GPHN: variants seen among roughly 807,000 people sequenced by gnomAD.
The protein encoded by GPHN is gephyrin.
In GPHN, 17 loss-of-function variants were observed where a neutral mutation model predicts 95.5. The ratio of observed to expected loss-of-function variants is 0.18; its 90% CI spans 0.12 to 0.27. The LOEUF (loss-of-function observed/expected upper bound fraction) is 0.27, where lower values mean the gene tolerates loss of function less well. Among genes scored for constraint, GPHN ranks in the 10% least tolerant of loss-of-function variants. The pLI, the probability that GPHN is intolerant of heterozygous loss-of-function variation, is 1.00. For synonymous variants in GPHN, 320 were observed against 322.5 expected, an observed-to-expected ratio of 0.99 and a Z score of 0.08; for missense variants, 660 against 978.1, an observed-to-expected ratio of 0.67 and a Z score of 4.34.
the GPHN span, chr14:67,729,431 C>A: frequency 1.9e-6 from 3 of 1,547,824 alleles, no homozygotes; most frequent in East Asian, 6.7e-5. Context: ...ATGGGAGGTG[C>A]CGGACTCGCT....
intron 4 of GPHN, among the ~76,000 whole-genome samples, chr14:66,850,958 A>G (rs2153515573): frequency 6.6e-6 from 1 of 152,246 alleles, no homozygotes; most frequent in African/African-American, 2.4e-5. Flanking sequence ...TTATGTTAAT[A>G]TAATCACATT....
the GPHN span, among the ~76,000 whole-genome samples, chr14:67,495,252 C>T: frequency 6.6e-6 from 1 of 152,092 alleles, no homozygotes. Flanking sequence ...GGAAACATTT[C>T]CTCTTCCAAT....
the GPHN span, chr14:67,343,332 T>C: frequency 9.2e-5 from 138 of 1,500,618 alleles, no homozygotes; most frequent in Non-Finnish European, 1.2e-4. Context: ...GTGGAGGGTA[T>C]GGACAAGTGA....
At chr14:66,907,486 T>C (rs368807540) in intron 5 of GPHN, among the ~76,000 whole-genome samples, 1 of 152,174 alleles carries the variant, frequency 6.6e-6, no homozygotes, top group East Asian at 1.9e-4. Context: ...CTATTTGATA[T>C]GAAGTAGAAA....
chr14:66,889,871 A>T (rs1567064682), intron 5 of GPHN, among the ~76,000 whole-genome samples: 1 of 151,948 alleles, frequency 6.6e-6, no homozygotes, highest in Non-Finnish European at 1.5e-5. Flanking sequence ...AATTTTAGCT[A>T]GATAGACTAA....
intron 2 of GPHN, among the ~76,000 whole-genome samples, chr14:66,739,247 C>T (rs558606992): frequency 1.1e-4 from 15 of 140,200 alleles, no homozygotes; most frequent in East Asian, 8.5e-4. Context: ...GACAGAGTCT[C>T]GCTCTGTCAC....
chr14:67,520,748 T>C, the GPHN span, among the ~76,000 whole-genome samples: 1 of 152,250 alleles, frequency 6.6e-6, no homozygotes, highest in Non-Finnish European at 1.5e-5. Context: ...TTGCAAGTTA[T>C]GGCAATTAAG....
At chr14:66,527,145 C>T (rs1440159714) in intron 1 of GPHN, among the ~76,000 whole-genome samples, 1 of 152,106 alleles carries the variant, frequency 6.6e-6, no homozygotes, top group African/African-American at 2.4e-5. Flanking sequence ...GCCTCAATTT[C>T]AGAACTTGTT....
intron 1 of GPHN, among the ~76,000 whole-genome samples, chr14:66,657,459 CCTT>C (rs1282211875): frequency 6.6e-6 from 1 of 152,176 alleles, no homozygotes; most frequent in Admixed American, 6.5e-5. Flanking sequence ...GATGAAATAG[CCTT>C]CTGCTGTAAG....
At chr14:67,445,732 G>A in the GPHN span, among the ~76,000 whole-genome samples, 2 of 151,624 alleles carry the variant, frequency 1.3e-5, no homozygotes, top group East Asian at 3.9e-4. Flanking sequence ...CTACAGATGA[G>A]TGCCACTACA....
At chr14:66,568,085 T>TA (rs1333407207) in intron 1 of GPHN, among the ~76,000 whole-genome samples, 1 of 152,178 alleles carries the variant, frequency 6.6e-6, no homozygotes, top group Non-Finnish European at 1.5e-5. Flanking sequence ...AATGCACTGT[T>TA]AAAAAATAGG....
chr14:67,191,220 C>T, the GPHN span, among the ~76,000 whole-genome samples: 256 of 152,086 alleles, frequency 1.7e-3, no homozygotes, highest in African/African-American at 5.5e-3. Context: ...GGTGATGGAG[C>T]GAGACTCCGT....
At chr14:66,861,929 A>C (rs989109831) in intron 4 of GPHN, among the ~76,000 whole-genome samples, 1 of 152,096 alleles carries the variant, frequency 6.6e-6, no homozygotes, top group Non-Finnish European at 1.5e-5. Flanking sequence ...CATCTCAGAG[A>C]ACTAGAAAAG....
chr14:67,546,314 C>T, the GPHN span, among the ~76,000 whole-genome samples: 9 of 151,940 alleles, frequency 5.9e-5, no homozygotes, highest in African/African-American at 9.7e-5. Flanking sequence ...TTGACGAAGC[C>T]GAATGGTGGA....
At chr14:67,182,033 C>T (rs779450290), downstream of GPHN, among the ~76,000 whole-genome samples, 5 of 152,064 alleles carry the variant, frequency 3.3e-5, no homozygotes, top group South Asian at 4.2e-4. Context: ...CAGTTGGTCT[C>T]GTCTTTCCAG....
At chr14:66,866,587 G>A (rs890976814) in intron 4 of GPHN, among the ~76,000 whole-genome samples, 4 of 152,142 alleles carry the variant, frequency 2.6e-5, no homozygotes, top group Non-Finnish European at 5.9e-5. Flanking sequence ...GCTAACGAGT[G>A]TTCACTGCTA....
At chr14:67,699,361 C>T in the GPHN span, among the ~76,000 whole-genome samples, 46 of 151,606 alleles carry the variant, frequency 3.0e-4, 1 homozygote, top group African/African-American at 1.1e-3. Flanking sequence ...TCGAGACCAG[C>T]CTGGGAAACC....
the GPHN span, among the ~76,000 whole-genome samples, chr14:67,672,439 TTTC>T: frequency 3.7e-5 from 4 of 108,746 alleles, no homozygotes; most frequent in Non-Finnish European, 6.6e-5. Flanking sequence ...TTTTTTTTCT[TTTC>T]TTTTCTTTTT....
At chr14:66,932,443 G>GGTT in intron 8 of GPHN, among the ~76,000 whole-genome samples, 1 of 40,160 alleles carries the variant, frequency 2.5e-5, no homozygotes, top group East Asian at 1.1e-3. Context: ...GCCAAGACCA[G>GGTT]GTTTTTTTTT....
Sources: gnomAD v4.1 joint callset for allele counts (sites outside exome capture counted in the v4.1 genomes callset) on GRCh38, gnomAD v4.1.1 for gene constraint, MANE v1.5 for transcripts, NCBI Gene and HGNC (gene_info 2026-07-23, HGNC 2026-07-21) for gene names.